Variants in NBEA observed in about 807,000 individuals in gnomAD.
NBEA encodes neurobeachin.
NBEA carries 44 observed loss-of-function variants against 343.4 expected under a neutral mutation model. The ratio of observed to expected loss-of-function variants is 0.13; its 90% CI spans 0.10 to 0.16. The LOEUF is 0.16. NBEA is among the 10% of genes least tolerant of loss of function. NBEA has a pLI of 1.00. For missense variants in NBEA, 2,555 were observed against 3,631.3 expected (o/e 0.70, Z 7.62); for synonymous variants, 1,175 against 1,238.7 (o/e 0.95, Z 1.08).
chr13:35,648,870 G>T (rs1446649612), intron 51 of NBEA, among the ~76,000 whole-genome samples: 1 of 151,168 alleles, frequency 6.6e-6, no homozygotes, highest in African/African-American at 2.4e-5. Context: ...TGGGGGTGGG[G>T]GTGGTGGGAG....
At chr13:35,373,092 GTC>G (rs1186697622) in intron 38 of NBEA, among the ~76,000 whole-genome samples, 5 of 152,134 alleles carry the variant, frequency 3.3e-5, no homozygotes, top group Non-Finnish European at 7.4e-5. Context: ...GCCACTGGGG[GTC>G]TCTCACCCTT....
At chr13:35,211,273 T>G (rs1304442557) in intron 33 of NBEA, 94 bp downstream of exon 33, 1 of 1,084,698 alleles carries the variant, frequency 9.2e-7, no homozygotes, top group East Asian at 2.7e-5. Context: ...TTCTTGAGAA[T>G]GAAGGTTAAT....
chr13:35,370,167 C>T (rs2041348328), intron 38 of NBEA, among the ~76,000 whole-genome samples: 1 of 151,690 alleles, frequency 6.6e-6, no homozygotes, highest in Non-Finnish European at 1.5e-5. Flanking sequence ...TCTATCGCTC[C>T]CTTTAGATAG....
intron 44 of NBEA, among the ~76,000 whole-genome samples, chr13:35,558,415 T>C (rs1212501967): frequency 6.6e-6 from 1 of 152,098 alleles, no homozygotes; most frequent in Non-Finnish European, 1.5e-5. Flanking sequence ...AAATTGGGAA[T>C]TGAAATATGA....
At chr13:35,519,641 A>T (rs908572736) in intron 41 of NBEA, among the ~76,000 whole-genome samples, 38 of 152,204 alleles carry the variant, frequency 2.5e-4, no homozygotes, top group East Asian at 7.7e-4. Flanking sequence ...TATTTTTTTT[A>T]AATTTTAAAG....
At chr13:35,076,557 C>A (rs1479159529) in intron 10 of NBEA, among the ~76,000 whole-genome samples, 1 of 151,964 alleles carries the variant, frequency 6.6e-6, no homozygotes, top group African/African-American at 2.4e-5. Context: ...TAGTTTTCAA[C>A]ACTTAATTTT....
At chr13:35,174,872 A>G (rs2070754873) in intron 27 of NBEA, among the ~76,000 whole-genome samples, 1 of 150,796 alleles carries the variant, frequency 6.6e-6, no homozygotes, top group African/African-American at 2.4e-5. Flanking sequence ...GGCTCACTGC[A>G]ACCTCCGCCT....
rs749332660 is a variant in NBEA, at chr13:35,251,608, C to T, written c.5776+18989C>T. The T allele has an allele frequency of 1.2e-5, 15 of 1,209,400 alleles. No homozygotes were observed. In the East Asian group the frequency reaches 1.7e-4, roughly 14 times the overall value. The allele number at this position is 1,209,400 out of a possible 1,614,324, so 74.9% of individuals were successfully genotyped here. On this transcript the variant is annotated intron_variant, in intron 34 of 58. Transcript: ENST00000379939. ...AGTGGAAGCCAAACAGGTAGCTCAG[C>T]GGGAAGCAGAGATGGCCAGATTTGA...
intron 1 of NBEA, among the ~76,000 whole-genome samples, chr13:34,989,240 G>A (rs2060663907): frequency 6.6e-6 from 1 of 150,688 alleles, no homozygotes; most frequent in African/African-American, 2.4e-5. Flanking sequence ...TGCTGTAGTT[G>A]TCATGTGTAT....
At chr13:35,277,188 A>C (rs920536504) in intron 34 of NBEA, among the ~76,000 whole-genome samples, 2 of 152,158 alleles carry the variant, frequency 1.3e-5, no homozygotes, top group Admixed American at 6.6e-5. Context: ...AAAATTTGGT[A>C]AAGTAAAAAT....
At chr13:35,468,118 C>CCT (rs1281435360) in intron 40 of NBEA, among the ~76,000 whole-genome samples, 1 of 145,364 alleles carries the variant, frequency 6.9e-6, no homozygotes, top group Non-Finnish European at 1.5e-5. Context: ...ACCCCCCCCC[C>CCT]ACTCCCCTCC....
At chr13:35,062,115 C>A (rs73483904) in intron 8 of NBEA, among the ~76,000 whole-genome samples, 2,394 of 151,468 alleles carry the variant, frequency 0.016, 66 homozygotes, top group African/African-American at 0.049. Flanking sequence ...CACATGAGGT[C>A]TATTATAACT....
At chr13:35,043,287 A>G (rs2062720374) in intron 2 of NBEA, among the ~76,000 whole-genome samples, 2 of 151,902 alleles carry the variant, frequency 1.3e-5, no homozygotes, top group Admixed American at 6.6e-5. Context: ...CAAATTTAAT[A>G]GATTACTTTT....
At chr13:34,992,436 A>G (rs182680966) in intron 1 of NBEA, among the ~76,000 whole-genome samples, 167 of 150,378 alleles carry the variant, frequency 1.1e-3, no homozygotes, top group Admixed American at 2.5e-3. Context: ...TTGTATTTTT[A>G]GGAGAGATGG....
chr13:35,010,327 A>T (rs1265415771), intron 1 of NBEA, among the ~76,000 whole-genome samples: 3 of 152,058 alleles, frequency 2.0e-5, no homozygotes, highest in African/African-American at 7.2e-5. Flanking sequence ...TTATAATCCC[A>T]GTACTTTGGG....
chr13:35,133,390 A>G (rs932959766), intron 17 of NBEA, among the ~76,000 whole-genome samples: 4 of 152,130 alleles, frequency 2.6e-5, no homozygotes, highest in Admixed American at 1.3e-4. Context: ...CTCTCCAGTC[A>G]CTGGTGGAAT....
intron 48 of NBEA, among the ~76,000 whole-genome samples, chr13:35,626,319 G>A (rs1482786723): frequency 6.6e-6 from 1 of 152,012 alleles, no homozygotes; most frequent in Non-Finnish European, 1.5e-5. Context: ...GGAGATAAAA[G>A]AGAAAAAACA....
At chr13:35,048,261 T>G (rs189632421) in intron 4 of NBEA, among the ~76,000 whole-genome samples, 38 of 152,082 alleles carry the variant, frequency 2.5e-4, no homozygotes, top group African/African-American at 8.9e-4. Context: ...TGTAAGAGAC[T>G]GTATACTGAT....
At position 34,988,425 on chromosome 13, in the gene NBEA, C is replaced by T. The variant is rs866623704; in HGVS notation, c.294+45311C>T. ...GGTGGAGACTATAGAGGTAGCCGGCCTTGCTGAGCTGTGGTGGGGTCCACC... is the reference window on the plus strand; with the variant it reads ...GGTGGAGACTATAGAGGTAGCCGGCTTTGCTGAGCTGTGGTGGGGTCCACC... On this transcript the variant is annotated intron_variant, in intron 1 of 58. Transcript: ENST00000379939. 5.9e-5 allele frequency among the ~76,000 whole-genome samples: 9 copies of T among 151,264 alleles called. 1 individual carries two copies. Among genetic ancestry groups the T allele is most frequent in the African/African-American group, 1.9e-4 (8 of 41,408 alleles).
Sources: allele counts gnomAD v4.1 joint callset (sites outside exome capture counted in the v4.1 genomes callset), GRCh38; gene constraint gnomAD v4.1.1; transcripts MANE v1.5; gene names NCBI Gene and HGNC (gene_info 2026-07-23, HGNC 2026-07-21).